The following INTS3 variants were observed in gnomAD, a reference collection of about 807,000 sequenced individuals.
INTS3 encodes integrator complex subunit 3, also known as SOSS complex subunit A.
INTS3 carries 34 observed loss-of-function variants against 146.3 expected under a neutral mutation model. The observed-to-expected ratio is 0.23, with a 90% CI of 0.18 to 0.31. The LOEUF is 0.31. Among genes scored for constraint, INTS3 ranks in the 10% least tolerant of loss-of-function variants. INTS3 has a pLI of 1.00. For synonymous variants in INTS3, 475 were observed against 494.9 expected, an observed-to-expected ratio of 0.96 and a Z score of 0.53; for missense variants, 757 against 1,304.2, an observed-to-expected ratio of 0.58 and a Z score of 6.46.
At chr1:153,760,988 G>A in intron 13 of INTS3, 70 bp downstream of exon 13, 1 of 1,578,296 alleles carries the variant, frequency 6.3e-7, no homozygotes, top group East Asian at 2.2e-5. Flanking sequence ...TCCAAATGTT[G>A]CCATAGCACT....
intron 16 of INTS3, 59 bp downstream of exon 16, chr1:153,763,421 G>T: frequency 6.3e-7 from 1 of 1,585,280 alleles, no homozygotes; most frequent in Non-Finnish European, 8.7e-7. Flanking sequence ...TCTACCTGGT[G>T]CTTAATGGGT....
At chr1:153,762,926 T>A (rs1372186377) in intron 15 of INTS3, 79 bp downstream of exon 15, 2 of 1,549,942 alleles carry the variant, frequency 1.3e-6, no homozygotes, top group Non-Finnish European at 1.8e-6. Flanking sequence ...CTCTCTGCAC[T>A]CTTCCTGTCA....
chr1:153,773,356 AG>A lies in INTS3; in HGVS notation c.*90del. 5 of 1,270,882 alleles carry A rather than the reference AG, an allele frequency of 3.9e-6. No individual in the cohort carries two copies. Among genetic ancestry groups the A allele is most frequent in the Non-Finnish European group, 5.8e-6 (5 of 868,970 alleles). 78.7% of individuals were successfully genotyped at this position (1,270,882 alleles called of 1,614,324 possible). A position where few individuals can be genotyped will look rare whatever the true frequency, so the allele number is the denominator to read the frequency against. The stretch of plus-strand genomic sequence containing the variant: ...GGTTAATAGAGGCTGAGGAGATTGC[AG>A]GGGAAACACCCTTGCTGCATCCCCA... On this transcript the variant is annotated 3_prime_UTR_variant, in exon 30 of 30. Coordinates refer to ENST00000318967, the MANE Select transcript of INTS3 (RefSeq NM_023015.5).
At chr1:153,759,760 C>T in intron 11 of INTS3, 147 bp downstream of exon 11, 5 of 635,030 alleles carry the variant, frequency 7.9e-6, no homozygotes, top group Non-Finnish European at 1.4e-5. Context: ...ATCAGTTTTC[C>T]CTTGACCTAG....
At chr1:153,736,142 A>G (rs2101779840) in intron 1 of INTS3, among the ~76,000 whole-genome samples, 1 of 152,170 alleles carries the variant, frequency 6.6e-6, no homozygotes, top group East Asian at 1.9e-4. Context: ...CTTGTGGGAG[A>G]GGTGGGCTGT....
Position 153,745,966 on chromosome 1 carries a change from G to A in INTS3, c.319-991G>A, listed in dbSNP as rs148755422. Among the ~76,000 whole-genome samples the A allele has an allele frequency of 6.5e-3, 995 of 152,242 alleles. 9 individuals carry two copies. Among genetic ancestry groups the A allele is most frequent in the African/African-American group, 0.022 (931 of 41,542 alleles). On this transcript the variant is annotated intron_variant, in intron 3 of 29. Transcript: ENST00000318967. ...AAACTGTTTTAAAAATTATCTGGGC[G>A]TGGTGGTGCATGCCTGTAGTACCAG...
intron 8 of INTS3, among the ~76,000 whole-genome samples, chr1:153,753,042 TACACAC>T (rs57778477): frequency 5.5e-5 from 8 of 145,530 alleles, no homozygotes; most frequent in Admixed American, 4.1e-4. Context: ...GCTCCCCTCC[TACACAC>T]ACACACACAC....
chr1:153,770,058 GGT>G (rs55766761), intron 23 of INTS3, 138 bp from the exon 24 acceptor site: 32,196 of 427,206 alleles, frequency 0.075, 266 homozygotes, highest in East Asian at 0.095. Context: ...AGTGGATTGG[GGT>G]GTGTGTGTGT....
chr1:153,740,652 G>A lies in INTS3; in HGVS notation c.152G>A (p.Arg51Lys). Reference protein sequence around the residue: ...SLDAKDELEERLERCMSIVTS... With the variant: ...SLDAKDELEEKLERCMSIVTS... ...TCATTTTTTCTCACCCCTTCCCAGA[G>A]ATTGGAAAGGTGTATGAGCATTGTG... The change falls in exon 2 of 30, where the codon AGA (arginine) becomes AAA (lysine). Residue 51 changes from arginine to lysine, a missense_variant and splice_region_variant. Arg to Lys is a conservative substitution (Grantham distance 26). Coordinates refer to ENST00000318967, the MANE Select transcript of INTS3 (RefSeq NM_023015.5). The A allele has an allele frequency of 6.2e-7, 1 of 1,612,036 alleles. No homozygotes were observed. Among genetic ancestry groups the A allele is most frequent in the African/African-American group, 1.3e-5 (1 of 74,992 alleles).
rs770272070 is a variant in INTS3, at chr1:153,728,230, C to T, written c.-405C>T. 2 of 395,278 alleles carry T rather than the reference C, an allele frequency of 5.1e-6. No individual in the cohort carries two copies. The highest frequency in any genetic ancestry group is 2.1e-5 in the African/African-American group (1 of 48,504). 24.5% of individuals were successfully genotyped at this position (395,278 alleles called of 1,614,324 possible). On this transcript the variant is annotated 5_prime_UTR_variant, in exon 1 of 30. Transcript: ENST00000318967. The stretch of plus-strand genomic sequence containing the variant: ...CAGGAAGGTTTCCTACCTCCTAATT[C>T]AGGGGCAGGACTCCTCTTTTCCCCC...
In INTS3 at chr1:153,765,078, C is replaced by G. The variant is rs760405771; in HGVS notation, c.2090+15C>G. 3 of 1,614,028 alleles carry G rather than the reference C, an allele frequency of 1.9e-6. No homozygotes were observed. The highest frequency in any genetic ancestry group is 3.3e-4 in the Middle Eastern group (2 of 6,062). On this transcript the variant is annotated intron_variant, in intron 20 of 29. Coordinates refer to ENST00000318967, the MANE Select transcript of INTS3 (RefSeq NM_023015.5). ...CTGAGGGCCAGGTGGGTATGGTCCCCATGTTTCAAATGGTGTCAGGACACA... is the reference window on the plus strand; with the variant it reads ...CTGAGGGCCAGGTGGGTATGGTCCCGATGTTTCAAATGGTGTCAGGACACA...
At chr1:153,739,124 C>A (rs185011740) in intron 1 of INTS3, among the ~76,000 whole-genome samples, 2 of 151,852 alleles carry the variant, frequency 1.3e-5, no homozygotes, top group East Asian at 3.9e-4. Context: ...AGTGAAGTGG[C>A]ATGATCTCGG....
At chr1:153,745,216 G>A (rs1029146978) in intron 3 of INTS3, among the ~76,000 whole-genome samples, 1 of 150,498 alleles carries the variant, frequency 6.6e-6, no homozygotes, top group Non-Finnish European at 1.5e-5. Context: ...GAGTGCAGTG[G>A]TACGATCTTG....
rs753338017 is a variant in INTS3 at position 153,764,931 on chromosome 1, G to C, written c.1971-13G>C. 7.4e-6 allele frequency: 12 copies of C among 1,613,892 alleles called. No homozygotes were observed. In the African/African-American group the frequency reaches 1.6e-4, roughly 22 times the overall value. On this transcript the variant is annotated splice_polypyrimidine_tract_variant and intron_variant, in intron 19 of 29. Coordinates refer to ENST00000318967, the MANE Select transcript of INTS3 (RefSeq NM_023015.5). ...TAAAGTTCTGTTCCTCTCCTCCCAT[G>C]CCCCACCTCCAGGAACCTATGTCAG...
At chr1:153,748,588 G>A in intron 5 of INTS3, 101 bp from the exon 6 acceptor site, 1 of 913,848 alleles carries the variant, frequency 1.1e-6, no homozygotes, top group East Asian at 2.4e-5. Context: ...TGGCAGTAAT[G>A]GGATGGCAGT....
chr1:153,758,127 T>C (rs1241790924), intron 10 of INTS3, among the ~76,000 whole-genome samples: 1 of 152,230 alleles, frequency 6.6e-6, no homozygotes, highest in African/African-American at 2.4e-5. Context: ...CTCACCACCA[T>C]GCCTTTTTGG....
chr1:153,733,740 GACT>G (rs1234300619), intron 1 of INTS3, among the ~76,000 whole-genome samples: 1 of 151,572 alleles, frequency 6.6e-6, no homozygotes, highest in African/African-American at 2.4e-5. Context: ...GAGTAGCTGG[GACT>G]ACAAGTGTGC....
chr1:153,760,431 G>C, intron 12 of INTS3, 41 bp downstream of exon 12: 1 of 1,515,950 alleles, frequency 6.6e-7, no homozygotes. Flanking sequence ...GCCTGGATGA[G>C]CAGAATTCAG....
At position 153,747,326 on chromosome 1, in the gene INTS3, C is replaced by T. The variant is rs1671786470; in HGVS notation, c.480C>T (p.Ala160=). The change falls in exon 5 of 30, where the codon GCC becomes GCT. Residue 160 remains alanine, a synonymous_variant. Coordinates refer to ENST00000318967, the MANE Select transcript of INTS3 (RefSeq NM_023015.5). The part of the protein sequence containing the change: ...RELVKSGVLG[A]DGVCMTFMKQ... ...TGGTGAAGAGTGGGGTTCTGGGAGC[C>T]GATGGTGTTTGTATGACGTTTATGA... 9.9e-6 allele frequency: 16 copies of T among 1,613,956 alleles called. No homozygotes were observed. Among genetic ancestry groups the T allele is most frequent in the Non-Finnish European group, 1.2e-5 (14 of 1,179,986 alleles).
Sources: allele counts gnomAD v4.1 joint callset (sites outside exome capture counted in the v4.1 genomes callset), GRCh38; gene constraint gnomAD v4.1.1; transcripts MANE v1.5; gene names NCBI Gene and HGNC (gene_info 2026-07-23, HGNC 2026-07-21).